Variants in TESC observed in about 807,000 individuals in gnomAD.
The protein encoded by TESC is calcineurin B homologous protein 3.
Under a neutral mutation model 31.0 loss-of-function variants are expected in TESC, and 19 were observed. The ratio of observed to expected loss-of-function variants is 0.61; its 90% confidence interval spans 0.43 to 0.90. The LOEUF (loss-of-function observed/expected upper bound fraction) is 0.90. TESC is among the 40% of genes least tolerant of loss of function. The pLI is 0.00. For missense variants in TESC, 248 were observed against 303.8 expected, an observed-to-expected ratio of 0.82 and a Z score of 1.36; for synonymous variants, 109 against 114.8, an observed-to-expected ratio of 0.95 and a Z score of 0.32.
chr12:117,057,929 G>A (rs1954748922), intron 2 of TESC, among the ~76,000 whole-genome samples: 1 of 152,072 alleles, frequency 6.6e-6, no homozygotes, highest in South Asian at 2.1e-4. Context: ...AAAACATGAT[G>A]CTAAGTGAGC....
At chr12:117,039,419 C>T (rs1278982392) in intron 7 of TESC, among the ~76,000 whole-genome samples, 7 of 152,210 alleles carry the variant, frequency 4.6e-5, no homozygotes, top group Admixed American at 4.6e-4. Flanking sequence ...GTTAATTTGG[C>T]TCTGACATTT....
intron 1 of TESC, among the ~76,000 whole-genome samples, chr12:117,085,868 AACC>A (rs1955213451): frequency 6.6e-6 from 1 of 152,254 alleles, no homozygotes; most frequent in Non-Finnish European, 1.5e-5. Context: ...TGTCATGAAA[AACC>A]ACCACAAGCT....
chr12:117,075,891 A>G lies in TESC; in HGVS notation c.59-551T>C, dbSNP rs1351670745. On this transcript the variant is annotated intron_variant, in intron 1 of 7. Transcript: ENST00000335209. ...TATATGTGTGTATATATATATATATATATATATATATATATATATATATGT... is the reference window on the plus strand; with the variant it reads ...TATATGTGTGTATATATATATATATGTATATATATATATATATATATATGT... Among the ~76,000 whole-genome samples the G allele has an allele frequency of 3.2e-3, 222 of 69,050 alleles. 6 individuals carry two copies. The highest frequency in any genetic ancestry group is 0.017 in the South Asian group (40 of 2,342). The allele number at this position is 69,050 out of a possible 152,430, so 45.3% of individuals were successfully genotyped here. A position where few individuals can be genotyped will look rare whatever the true frequency, so the allele number is the denominator to read the frequency against.
At chr12:117,084,923 T>C (rs1955196061) in intron 1 of TESC, among the ~76,000 whole-genome samples, 1 of 152,220 alleles carries the variant, frequency 6.6e-6, no homozygotes, top group South Asian at 2.1e-4. Context: ...CATGGCCCTC[T>C]GAGCACCTCT....
intron 3 of TESC, among the ~76,000 whole-genome samples, chr12:117,051,076 A>G (rs1592996531): frequency 6.6e-6 from 1 of 152,216 alleles, no homozygotes; most frequent in African/African-American, 2.4e-5. Flanking sequence ...AGTTTCTGCC[A>G]CAGCCTCTCA....
intron 3 of TESC, among the ~76,000 whole-genome samples, chr12:117,051,699 T>C (rs1954649772): frequency 6.6e-6 from 1 of 152,136 alleles, no homozygotes. Context: ...GAAAATGTGA[T>C]AGACCCCTGG....
At chr12:117,077,872 C>A (rs139940339) in intron 1 of TESC, among the ~76,000 whole-genome samples, 1 of 151,926 alleles carries the variant, frequency 6.6e-6, no homozygotes, top group Admixed American at 6.6e-5. Flanking sequence ...TTTACATAGT[C>A]GTGTTCTCGG....
intron 7 of TESC, among the ~76,000 whole-genome samples, chr12:117,040,653 T>C (rs1954468521): frequency 6.6e-6 from 1 of 151,506 alleles, no homozygotes; most frequent in Non-Finnish European, 1.5e-5. Flanking sequence ...CAAGTGCAAA[T>C]TCTGCCTTTT....
chr12:117,097,125 G>T (rs1955406756), intron 1 of TESC, among the ~76,000 whole-genome samples: 1 of 152,160 alleles, frequency 6.6e-6, no homozygotes, highest in Non-Finnish European at 1.5e-5. Context: ...TTGCTAAGTG[G>T]GCAAAAGTGA....
chr12:117,090,095 C>A (rs1955286406), intron 1 of TESC, among the ~76,000 whole-genome samples: 1 of 151,680 alleles, frequency 6.6e-6, no homozygotes, highest in Admixed American at 6.6e-5. Context: ...GCCAAATGTT[C>A]ATTCATGCAT....
intron 1 of TESC, among the ~76,000 whole-genome samples, chr12:117,095,796 C>T (rs1464399650): frequency 2.0e-5 from 3 of 152,172 alleles, no homozygotes; most frequent in Non-Finnish European, 4.4e-5. Context: ...GGGAGGATCG[C>T]TGGAGCCCAG....
At chr12:117,047,004 G>A (rs1401399923) in intron 4 of TESC, among the ~76,000 whole-genome samples, 166 bp from the exon 5 acceptor site, 5 of 151,990 alleles carry the variant, frequency 3.3e-5, no homozygotes, top group African/African-American at 1.2e-4. Flanking sequence ...ACTTCCTACT[G>A]GGTGACCTTG....
intron 1 of TESC, among the ~76,000 whole-genome samples, chr12:117,079,215 TA>T (rs1486690335): frequency 6.6e-6 from 1 of 152,150 alleles, no homozygotes; most frequent in Non-Finnish European, 1.5e-5. Flanking sequence ...GATCTGAAGA[TA>T]AATAAGATTA....
chr12:117,075,422 G>A, intron 1 of TESC, 82 bp from the exon 2 acceptor site: 1 of 1,490,792 alleles, frequency 6.7e-7, no homozygotes, highest in Non-Finnish European at 9.1e-7. Context: ...ATATTCTTTT[G>A]CCCCATCCCC....
At chr12:117,066,338 C>G (rs921685810) in intron 2 of TESC, among the ~76,000 whole-genome samples, 2 of 150,076 alleles carry the variant, frequency 1.3e-5, no homozygotes, top group African/African-American at 4.9e-5. Flanking sequence ...TTCTGAGTAG[C>G]TGGGACTACA....
intron 1 of TESC, among the ~76,000 whole-genome samples, chr12:117,075,899 A>ATGTG (rs1315875340): frequency 4.1e-5 from 3 of 73,220 alleles, no homozygotes; most frequent in African/African-American, 2.5e-4. Context: ...ATATATATAT[A>ATGTG]TATATATATA....
At chr12:117,094,791 G>A (rs1348586983) in intron 1 of TESC, among the ~76,000 whole-genome samples, 2 of 151,936 alleles carry the variant, frequency 1.3e-5, no homozygotes, top group Non-Finnish European at 2.9e-5. Flanking sequence ...AGAGGCAGGC[G>A]GATCACTTAA....
intron 3 of TESC, 27 bp downstream of exon 3, chr12:117,056,779 T>C: frequency 1.2e-6 from 2 of 1,611,588 alleles, no homozygotes; most frequent in Non-Finnish European, 8.5e-7. Flanking sequence ...TGCCTGCCAC[T>C]GGGCTGGTTC....
chr12:117,046,343 G>A (rs1356139163), intron 6 of TESC: 24 of 573,978 alleles, frequency 4.2e-5, no homozygotes, highest in East Asian at 5.9e-5. Context: ...CTGAGATCTC[G>A]AACTCTGCTT....
Sources: gnomAD v4.1 joint callset for allele counts (sites outside exome capture counted in the v4.1 genomes callset) on GRCh38, gnomAD v4.1.1 for gene constraint, MANE v1.5 for transcripts, NCBI Gene and HGNC (gene_info 2026-07-23, HGNC 2026-07-21) for gene names.